Variants in AKR1B1 observed in about 807,000 individuals in gnomAD.
AKR1B1 encodes aldo-keto reductase family 1 member B.
In AKR1B1, 22 loss-of-function variants were observed where a neutral mutation model predicts 40.4. The observed-to-expected ratio is 0.54, with a 90% CI of 0.39 to 0.78. The LOEUF is 0.78. AKR1B1 is among the 30% of genes least tolerant of loss of function. The pLI is 0.00. For missense variants in AKR1B1, 357 were observed against 396.7 expected (o/e 0.90, Z 0.85); for synonymous variants, 157 against 149.9 (o/e 1.05, Z -0.35).
rs1380748552 is a variant in AKR1B1 at position 134,447,317 on chromosome 7, C to T, written c.806G>A (p.Arg269His). 15 of 1,613,940 alleles carry T rather than the reference C, an allele frequency of 9.3e-6. No homozygotes were observed. The highest frequency in any genetic ancestry group is 6.6e-5 in the South Asian group (6 of 91,082). ...VVIPKSVTPE[R>H]IAENFKVFDF... is the part of the protein sequence containing the mutation. Reference sequence around the variant, plus strand: ...TCTTACCTTAAAGTTCTCAGCAATGCGTTCTGGTGTCACAGACTTGGGGAT... The same window carrying T: ...TCTTACCTTAAAGTTCTCAGCAATGTGTTCTGGTGTCACAGACTTGGGGAT... Residue 269 changes from arginine (R) to histidine (H), a missense_variant, in exon 8 of 10, where the codon CGC becomes CAC. Physicochemically the swap from Arg to His is conservative, Grantham distance 29. Coordinates refer to ENST00000285930, the MANE Select transcript of AKR1B1 (RefSeq NM_001628.4).
chr7:134,458,747 C>T (rs764021763), intron 1 of AKR1B1, among the ~76,000 whole-genome samples: 8 of 152,148 alleles, frequency 5.3e-5, no homozygotes, highest in Admixed American at 2.0e-4. Flanking sequence ...CGGGGGCTCC[C>T]GTGAGCTGCT....
intron 8 of AKR1B1, 56 bp from the exon 9 acceptor site, chr7:134,445,376 A>C: frequency 5.6e-6 from 8 of 1,431,110 alleles, no homozygotes; most frequent in Non-Finnish European, 7.8e-6. Context: ...AAAAGACAAA[A>C]TACTGTGCAG....
At chr7:134,445,416 G>T in intron 8 of AKR1B1, 96 bp from the exon 9 acceptor site, 2 of 986,086 alleles carry the variant, frequency 2.0e-6, no homozygotes, top group Non-Finnish European at 3.1e-6. Context: ...GCTTTGAGCA[G>T]AGAGGAGCGA....
At position 134,442,677 on chromosome 7, in the gene AKR1B1, G is replaced by A. The variant is rs1238297350; in HGVS notation, c.*51C>T. 2 of 1,590,630 alleles carry A rather than the reference G, an allele frequency of 1.3e-6. 1 individual carries two copies. The highest frequency in any genetic ancestry group is 3.3e-5 in the Admixed American group (2 of 59,850). On this transcript the variant is annotated 3_prime_UTR_variant, in exon 10 of 10. Transcript: ENST00000285930. Reference sequence around the variant, plus strand: ...ACTACATTTGCAAGGAAAAAAATGAGGCAAGAAACACAGGTATAGGTCACT... The same window carrying A: ...ACTACATTTGCAAGGAAAAAAATGAAGCAAGAAACACAGGTATAGGTCACT...
intron 6 of AKR1B1, 108 bp downstream of exon 6, chr7:134,448,279 T>G (rs942805271): frequency 2.7e-6 from 3 of 1,098,762 alleles, no homozygotes; most frequent in African/African-American, 3.1e-5. Flanking sequence ...TCAGGGGAAG[T>G]TTTGCAGATC....
chr7:134,442,687 A>C lies in AKR1B1; in HGVS notation c.*41T>G. The stretch of plus-strand genomic sequence containing the variant: ...CAAGGAAAAAAATGAGGCAAGAAAC[A>C]CAGGTATAGGTCACTTGGGGACGAG... On this transcript the variant is annotated 3_prime_UTR_variant, in exon 10 of 10. Transcript: ENST00000285930. The C allele has an allele frequency of 6.2e-7, 1 of 1,606,390 alleles. No individual in the cohort carries two copies. The highest frequency in any genetic ancestry group is 8.5e-7 in the Non-Finnish European group (1 of 1,173,110).
intron 2 of AKR1B1, chr7:134,451,291 G>A: frequency 3.7e-6 from 2 of 541,286 alleles, no homozygotes; most frequent in South Asian, 2.0e-5. Flanking sequence ...GTTTGCAGAT[G>A]GGAACCAAGT....
At chr7:134,457,858 G>A (rs375966649) in intron 1 of AKR1B1, among the ~76,000 whole-genome samples, 1 of 152,198 alleles carries the variant, frequency 6.6e-6, no homozygotes, top group East Asian at 1.9e-4. Flanking sequence ...AGATTAGCCA[G>A]GTGTGGTGGT....
rs540798145 is a variant in AKR1B1, at chr7:134,459,063, G to C, written c.-1C>G. 1 of 1,602,560 alleles carries C rather than the reference G, an allele frequency of 6.2e-7. No individual in the cohort carries two copies. The highest frequency in any genetic ancestry group is 1.1e-5 in the South Asian group (1 of 88,552). On this transcript the variant is annotated 5_prime_UTR_variant, in exon 1 of 10. Coordinates refer to ENST00000285930, the MANE Select transcript of AKR1B1 (RefSeq NM_001628.4). ...TGTTGAGCAGGAGACGGCTTGCCATGGCTGCTGCGCTCCCCAGACCCCCGC... is the reference window on the plus strand; with the variant it reads ...TGTTGAGCAGGAGACGGCTTGCCATCGCTGCTGCGCTCCCCAGACCCCCGC...
intron 8 of AKR1B1, 130 bp downstream of exon 8, chr7:134,447,168 C>T: frequency 1.1e-6 from 1 of 895,056 alleles, no homozygotes; most frequent in Non-Finnish European, 1.8e-6. Flanking sequence ...GGCTTGCTCG[C>T]CACAGCTCCC....
At chr7:134,454,506 C>T (rs1487357178) in intron 1 of AKR1B1, among the ~76,000 whole-genome samples, 1 of 152,218 alleles carries the variant, frequency 6.6e-6, no homozygotes, top group Non-Finnish European at 1.5e-5. Flanking sequence ...ATACCCCTCC[C>T]TCTCTTCCCT....
chr7:134,447,457 C>A, intron 7 of AKR1B1, 76 bp from the exon 8 acceptor site: 1 of 1,275,246 alleles, frequency 7.8e-7, no homozygotes, highest in Non-Finnish European at 1.1e-6. Flanking sequence ...CTCACACACA[C>A]AACCTGCAGA....
In AKR1B1 at chr7:134,459,073, C is replaced by T; in HGVS notation, c.-11G>A. 1 of 1,599,524 alleles carries T rather than the reference C, an allele frequency of 6.3e-7. No individual in the cohort carries two copies. Among genetic ancestry groups the T allele is most frequent in the Non-Finnish European group, 8.5e-7 (1 of 1,173,988 alleles). On this transcript the variant is annotated 5_prime_UTR_variant, in exon 1 of 10. Transcript: ENST00000285930. Reference sequence around the variant, plus strand: ...GAGACGGCTTGCCATGGCTGCTGCGCTCCCCAGACCCCCGCCCAGTACGGT... The same window carrying T: ...GAGACGGCTTGCCATGGCTGCTGCGTTCCCCAGACCCCCGCCCAGTACGGT...
intron 6 of AKR1B1, 122 bp from the exon 7 acceptor site, chr7:134,448,183 G>A: frequency 1.0e-6 from 1 of 960,320 alleles, no homozygotes; most frequent in East Asian, 2.6e-5. Context: ...CCTCAGAGCT[G>A]GGTTAAGAAC....
At position 134,442,741 on chromosome 7, in the gene AKR1B1, T is replaced by A. The variant is rs781778959; in HGVS notation, c.938A>T (p.His313Leu). 1.9e-6 allele frequency: 3 copies of A among 1,614,112 alleles called. No homozygotes were observed. Among genetic ancestry groups the A allele is most frequent in the East Asian group, 2.2e-5 (1 of 44,886 alleles). ...SCTSHKDYPF[H>L]EEF ...GCAACCACAGCTTCAAAACTCTTCA[T>A]GGAAGGGGTAATCCTTGTGGGAGGT... Residue 313 changes from histidine to leucine, a missense_variant, in exon 10 of 10, where the codon CAT (histidine) becomes CTT (leucine). Physicochemically the swap from His to Leu is moderately conservative, Grantham distance 99 (BLOSUM62 -3). Coordinates refer to ENST00000285930, the MANE Select transcript of AKR1B1 (RefSeq NM_001628.4).
intron 1 of AKR1B1, among the ~76,000 whole-genome samples, chr7:134,456,455 T>C (rs1769091191): frequency 6.6e-6 from 1 of 151,640 alleles, no homozygotes; most frequent in Non-Finnish European, 1.5e-5. Context: ...CGCCTCTGCC[T>C]CCCAAAGTGC....
At position 134,459,034 on chromosome 7, in the gene AKR1B1, C is replaced by T. The variant is rs577826776; in HGVS notation, c.29G>A (p.Gly10Asp). 1.1e-5 allele frequency: 18 copies of T among 1,608,570 alleles called. No homozygotes were observed. In the African/African-American group the frequency reaches 1.9e-4, roughly 17 times the overall value. Residue 10 changes from glycine (G) to aspartate (D), a missense_variant, in exon 1 of 10, where the codon GGC becomes GAC. Physicochemically the swap from Gly to Asp is moderately conservative, Grantham distance 94. Transcript: ENST00000285930. The part of the protein sequence containing the change: MASRLLLNN[G>D]AKMPILGLGT... The stretch of plus-strand genomic sequence containing the variant: ...CAACCCCAGGATGGGCATCTTGGCG[C>T]CGTTGTTGAGCAGGAGACGGCTTGC...
At chr7:134,449,345 G>A in intron 4 of AKR1B1, 1 of 610,910 alleles carries the variant, frequency 1.6e-6, no homozygotes, top group South Asian at 1.9e-5. Flanking sequence ...CCAGCACTTT[G>A]GGAGGCTGAG....
At chr7:134,449,697 G>C (rs776195636) in intron 4 of AKR1B1, 23 bp downstream of exon 4, 1 of 1,602,634 alleles carries the variant, frequency 6.2e-7, no homozygotes, top group African/African-American at 1.3e-5. Flanking sequence ...ACGAAAACAA[G>C]GTCCAACCAG....
Sources: gnomAD v4.1 joint callset for allele counts (sites outside exome capture counted in the v4.1 genomes callset) on GRCh38, gnomAD v4.1.1 for gene constraint, MANE v1.5 for transcripts, NCBI Gene and HGNC (gene_info 2026-07-23, HGNC 2026-07-21) for gene names.